Variants in WRAP73 observed in about 807,000 individuals in gnomAD.
The protein encoded by WRAP73 is WD repeat containing, antisense to TP73.
In WRAP73, 55 loss-of-function variants were observed where a neutral mutation model predicts 59.6. That is an observed-to-expected ratio of 0.92 (90% CI 0.74 to 1.15). The LOEUF (loss-of-function observed/expected upper bound fraction) is 1.15. Ranked by LOEUF, WRAP73 falls within the 50% of genes most tolerant of loss-of-function variation. The pLI is 0.00. For missense variants in WRAP73, 592 were observed against 608.1 expected (o/e 0.97, Z 0.28); for synonymous variants, 265 against 258.2 (o/e 1.03, Z -0.25).
rs773881936 is a variant in WRAP73, at chr1:3,649,994, G to A, written c.6C>T (p.Asn2=). The change falls in exon 1 of 12, where the codon AAC becomes AAT. Residue 2 remains asparagine, a synonymous_variant. Coordinates refer to ENST00000270708, the MANE Select transcript of WRAP73 (RefSeq NM_017818.4). The part of the protein sequence containing the change: M[N]FSEVFKLSSL... ...TGGAGAGCTTGAATACCTCGGAGAA[G>A]TTCATGGCCGCCGCCTGCCGCGGGC... The A allele has an allele frequency of 1.3e-5, 20 of 1,592,034 alleles. No homozygotes were observed. In the South Asian group the frequency reaches 2.2e-4, roughly 17 times the overall value.
Position 3,637,797 on chromosome 1 carries a change from G to A in WRAP73, c.413-699C>T, listed in dbSNP as rs546258191. On this transcript the variant is annotated intron_variant, in intron 4 of 11. Coordinates refer to ENST00000270708, the MANE Select transcript of WRAP73 (RefSeq NM_017818.4). ...TGCACTGAGCTGTGATCGTGTCACT[G>A]CACTCCAGCCTGGGTGACAGAGCAA... Among the ~76,000 whole-genome samples the A allele has an allele frequency of 3.3e-5, 5 of 152,330 alleles. No individual in the cohort carries two copies. In the South Asian group the frequency reaches 1.0e-3, roughly 32 times the overall value.
In WRAP73 at chr1:3,649,963, G is replaced by C; in HGVS notation, c.37C>G (p.Leu13Val). ...TTGCCGTCCGGGGAGAACTTGCAGA[G>C]TAAGCTGGAGAGCTTGAATACCTCG... ...FSEVFKLSSL[L>V]CKFSPDGKYL... Residue 13 changes from leucine (L) to valine (V), a missense_variant, in exon 1 of 12, where the codon CTC becomes GTC. Leu to Val is a conservative substitution (Grantham distance 32). Coordinates refer to ENST00000270708, the MANE Select transcript of WRAP73 (RefSeq NM_017818.4). 2 of 1,603,684 alleles carry C rather than the reference G, an allele frequency of 1.2e-6. No homozygotes were observed. Among genetic ancestry groups the C allele is most frequent in the South Asian group, 1.1e-5 (1 of 89,410 alleles).
chr1:3,648,816 G>A (rs554621317), intron 1 of WRAP73, among the ~76,000 whole-genome samples: 2 of 152,190 alleles, frequency 1.3e-5, no homozygotes, highest in African/African-American at 2.4e-5. Context: ...TAATTGAGGA[G>A]GGGGGCACAT....
chr1:3,650,068 T>G lies in WRAP73; in HGVS notation c.-69A>C. On this transcript the variant is annotated 5_prime_UTR_variant, in exon 1 of 12. Transcript: ENST00000270708. ...CGGGACCCCTGGGCGCGCAGCAGGC[T>G]GCAACAGCCGACGCCGGCCTCCGAG... 2 of 435,542 alleles carry G rather than the reference T, an allele frequency of 4.6e-6. No individual in the cohort carries two copies. Among genetic ancestry groups the G allele is most frequent in the Middle Eastern group, 6.0e-4 (1 of 1,680 alleles). 27.0% of individuals were successfully genotyped at this position (435,542 alleles called of 1,614,324 possible). A position where few individuals can be genotyped will look rare whatever the true frequency, so the allele number is the denominator to read the frequency against.
intron 3 of WRAP73, among the ~76,000 whole-genome samples, chr1:3,640,521 CGCCCG>C (rs1329911137): frequency 8.5e-5 from 2 of 23,408 alleles, no homozygotes; most frequent in Admixed American, 3.1e-4. Flanking sequence ...CGGGGTGCAG[CGCCCG>C]AGGCTCTGAG....
At position 3,645,591 on chromosome 1, in the gene WRAP73, C is replaced by T. The variant is rs369219265; in HGVS notation, c.339+1075G>A. Among the ~76,000 whole-genome samples, 62 of 152,294 alleles carry T rather than the reference C, an allele frequency of 4.1e-4. 3 individuals are homozygous for T. The South Asian group carries it at 0.012, about 30-fold the overall frequency. On this transcript the variant is annotated intron_variant, in intron 3 of 11. Coordinates refer to ENST00000270708, the MANE Select transcript of WRAP73 (RefSeq NM_017818.4). ...AGCCAGCAGCCCAGACAGCTATGAG[C>T]ACTCAGTGGACTTGGGCCCAAACAC...
chr1:3,633,685 C>A, intron 8 of WRAP73, 182 bp from the exon 9 acceptor site: 1 of 571,464 alleles, frequency 1.7e-6, no homozygotes, highest in Non-Finnish European at 3.1e-6. Flanking sequence ...GATCACCCAG[C>A]CACCCTCTCT....
At position 3,637,101 on chromosome 1, in the gene WRAP73, G is replaced by A. The variant is rs760142545; in HGVS notation, c.413-3C>T. 6.9e-6 allele frequency: 11 copies of A among 1,603,986 alleles called. No homozygotes were observed. Among genetic ancestry groups the A allele is most frequent in the Non-Finnish European group, 5.1e-6 (6 of 1,175,894 alleles). ...GCCGTCCCTGGTGAAGGTGATTCCT[G>A]TGGGAAGAGGCAAATGCACTGAAAT... On this transcript the variant is annotated splice_region_variant and splice_polypyrimidine_tract_variant and intron_variant, in intron 4 of 11. Transcript: ENST00000270708.
At chr1:3,649,383 A>G (rs1027242827) in intron 1 of WRAP73, among the ~76,000 whole-genome samples, 8 of 152,230 alleles carry the variant, frequency 5.3e-5, no homozygotes, top group Non-Finnish European at 8.8e-5. Flanking sequence ...AGAAGTAGAG[A>G]TGACAAAGTA....
chr1:3,644,731 T>C (rs561781136), intron 3 of WRAP73, among the ~76,000 whole-genome samples: 111 of 152,286 alleles, frequency 7.3e-4, no homozygotes, highest in Middle Eastern at 3.4e-3. Context: ...CTATGAAAAA[T>C]CAGTTTGTTC....
chr1:3,640,569 CTG>C lies in WRAP73; in HGVS notation c.340-1749_340-1748del, dbSNP rs1305184400. 5.5e-3 allele frequency among the ~76,000 whole-genome samples: 791 copies of C among 144,860 alleles called. 7 individuals are homozygous for C. The highest frequency in any genetic ancestry group is 0.019 in the African/African-American group (712 of 37,078). On this transcript the variant is annotated intron_variant, in intron 3 of 11. Coordinates refer to ENST00000270708, the MANE Select transcript of WRAP73 (RefSeq NM_017818.4). ...AGGGCGGGGTGCAGCGCCCGAGGCT[CTG>C]AGCATCAGCAGGGCAGGGTGGAACG... is the stretch of plus-strand genomic sequence containing the variant.
At chr1:3,634,735 CA>C (rs901491729) in intron 8 of WRAP73, 2 of 506,636 alleles carry the variant, frequency 3.9e-6, no homozygotes, top group Admixed American at 3.2e-5. Flanking sequence ...AGACAGACCA[CA>C]AAGGAGAAAA....
intron 8 of WRAP73, chr1:3,634,749 G>C: frequency 1.9e-6 from 1 of 532,208 alleles, no homozygotes; most frequent in Non-Finnish European, 3.4e-6. Context: ...GGAGAAAACT[G>C]GACTGGGGTG....
rs1345997580 is a variant in WRAP73, at chr1:3,650,070, C to G, written c.-71G>C. 1 of 1,347,872 alleles carries G rather than the reference C, an allele frequency of 7.4e-7. No individual in the cohort carries two copies. The highest frequency in any genetic ancestry group is 1.9e-5 in the African/African-American group (1 of 53,968). The allele number at this position is 1,347,872 out of a possible 1,614,324, so 83.5% of individuals were successfully genotyped here. ...GGACCCCTGGGCGCGCAGCAGGCTG[C>G]AACAGCCGACGCCGGCCTCCGAGGC... On this transcript the variant is annotated 5_prime_UTR_variant, in exon 1 of 12. Coordinates refer to ENST00000270708, the MANE Select transcript of WRAP73 (RefSeq NM_017818.4).
At chr1:3,643,546 A>C (rs894312858) in intron 3 of WRAP73, among the ~76,000 whole-genome samples, 1 of 152,074 alleles carries the variant, frequency 6.6e-6, no homozygotes, top group Non-Finnish European at 1.5e-5. Context: ...GCGCCTTCGC[A>C]AGTGGACTCA....
At chr1:3,636,929 A>T in intron 5 of WRAP73, 66 bp downstream of exon 5, 3 of 1,487,392 alleles carry the variant, frequency 2.0e-6, no homozygotes, top group Non-Finnish European at 2.8e-6. Flanking sequence ...ATCTGGAAGG[A>T]TCTACTTCAC....
intron 10 of WRAP73, 29 bp downstream of exon 10, chr1:3,632,184 G>T: frequency 6.2e-7 from 1 of 1,600,822 alleles, no homozygotes; most frequent in South Asian, 1.1e-5. Flanking sequence ...AGTAAAGGGT[G>T]AGACAGCACC....
chr1:3,645,998 A>T (rs772274517), intron 3 of WRAP73, among the ~76,000 whole-genome samples: 2 of 152,278 alleles, frequency 1.3e-5, no homozygotes, highest in Non-Finnish European at 2.9e-5. Flanking sequence ...AAGATTTTTA[A>T]AATGTTTTTT....
In WRAP73 at chr1:3,630,999, G is replaced by A. The variant is rs1476457715; in HGVS notation, c.1359C>T (p.Cys453=). Residue 453 remains cysteine, a synonymous_variant, in exon 12 of 12, where the codon TGC becomes TGT. Transcript: ENST00000270708. ...GCTACGTGTGGCCGCCCAGCTGTCT[G>A]CAGGCTGTGCCGACCACTGCCTCTG... ...LETEAVVGTA[C]RQLGGHT The A allele has an allele frequency of 2.5e-6, 4 of 1,612,718 alleles. No homozygotes were observed. The highest frequency in any genetic ancestry group is 3.3e-5 in the Admixed American group (2 of 60,006).
Sources: gnomAD v4.1 joint callset for allele counts (sites outside exome capture counted in the v4.1 genomes callset) on GRCh38, gnomAD v4.1.1 for gene constraint, MANE v1.5 for transcripts, NCBI Gene and HGNC (gene_info 2026-07-23, HGNC 2026-07-21) for gene names.